Variants in BBOX1 observed in about 807,000 individuals in gnomAD.
BBOX1 encodes the protein gamma-butyrobetaine hydroxylase 1.
In BBOX1, 35 loss-of-function variants were observed where a neutral mutation model predicts 41.6. That is an observed-to-expected ratio of 0.84 (90% CI 0.64 to 1.11). The LOEUF (loss-of-function observed/expected upper bound fraction) is 1.11. Among genes scored for constraint, BBOX1 ranks in the 50% most tolerant of loss-of-function variants. BBOX1 has a pLI of 0.00. For missense variants in BBOX1, 458 were observed against 460.6 expected (o/e 0.99, Z 0.05); for synonymous variants, 163 against 154.7 (o/e 1.05, Z -0.40).
chr11:27,083,683 G>A (rs979707683), intron 4 of BBOX1, among the ~76,000 whole-genome samples: 7 of 152,026 alleles, frequency 4.6e-5, no homozygotes, highest in Non-Finnish European at 1.0e-4. Context: ...CATAGCACTT[G>A]CCAAAATTTT....
chr11:27,062,361 C>T (rs1590175494), intron 4 of BBOX1, among the ~76,000 whole-genome samples: 3 of 152,248 alleles, frequency 2.0e-5, no homozygotes, highest in Admixed American at 2.0e-4. Flanking sequence ...CTCAGATATG[C>T]CATCCCCTTA....
intron 4 of BBOX1, among the ~76,000 whole-genome samples, chr11:27,091,001 G>T (rs1001852845): frequency 6.6e-6 from 1 of 151,958 alleles, no homozygotes; most frequent in South Asian, 2.1e-4. Flanking sequence ...AATTTATACA[G>T]TTAACACAAT....
In BBOX1 at chr11:27,127,720, G is replaced by T; in HGVS notation, c.*267G>T. ...TTTTGCCCATATATGAGTATCTCCA[G>T]AATGTCTACAAATAGTTTTTGTAGC... On this transcript the variant is annotated 3_prime_UTR_variant, in exon 9 of 9. Transcript: ENST00000263182. The T allele has an allele frequency of 2.9e-6, 1 of 339,862 alleles. No homozygotes were observed. Among genetic ancestry groups the T allele is most frequent in the Non-Finnish European group, 5.3e-6 (1 of 189,506 alleles). 21.1% of individuals were successfully genotyped at this position (339,862 alleles called of 1,614,324 possible). A position where few individuals can be genotyped will look rare whatever the true frequency, so the allele number is the denominator to read the frequency against.
At chr11:27,069,291 T>C (rs1857375594) in intron 4 of BBOX1, among the ~76,000 whole-genome samples, 1 of 152,176 alleles carries the variant, frequency 6.6e-6, no homozygotes, top group Non-Finnish European at 1.5e-5. Context: ...GAGAGATCTT[T>C]CATCTCCCTG....
intron 5 of BBOX1, among the ~76,000 whole-genome samples, chr11:27,099,930 C>T (rs925225713): frequency 6.6e-6 from 1 of 152,062 alleles, no homozygotes; most frequent in Non-Finnish European, 1.5e-5. Flanking sequence ...AAAATAAGGT[C>T]AAATAGAAAT....
chr11:27,077,159 A>C (rs1857660082), intron 4 of BBOX1, among the ~76,000 whole-genome samples: 1 of 152,068 alleles, frequency 6.6e-6, no homozygotes, highest in East Asian at 1.9e-4. Flanking sequence ...TCAACCTGTG[A>C]CTGCCACCTG....
intron 2 of BBOX1, among the ~76,000 whole-genome samples, chr11:27,049,138 G>A (rs1021869932): frequency 4.3e-4 from 15 of 34,798 alleles, no homozygotes; most frequent in Non-Finnish European, 7.6e-4. Flanking sequence ...AGTTATTTGG[G>A]GGGGGGGAAC....
chr11:27,051,723 G>T (rs1851675561), intron 2 of BBOX1, among the ~76,000 whole-genome samples: 1 of 151,464 alleles, frequency 6.6e-6, no homozygotes, highest in South Asian at 2.1e-4. Context: ...GTTAGCTAAT[G>T]GTTTGTCAAT....
intron 5 of BBOX1, among the ~76,000 whole-genome samples, chr11:27,094,528 A>G (rs1427947188): frequency 6.6e-6 from 1 of 152,004 alleles, no homozygotes; most frequent in African/African-American, 2.4e-5. Context: ...TAGCAACAAC[A>G]GAGCCTAAAT....
intron 4 of BBOX1, among the ~76,000 whole-genome samples, chr11:27,090,405 G>A (rs1359311798): frequency 2.6e-5 from 4 of 151,816 alleles, no homozygotes; most frequent in African/African-American, 9.7e-5. Flanking sequence ...AAAAGGGTGG[G>A]GGTGTAAGAA....
At chr11:27,101,784 T>C (rs1590212993) in intron 5 of BBOX1, among the ~76,000 whole-genome samples, 1 of 152,278 alleles carries the variant, frequency 6.6e-6, no homozygotes, top group South Asian at 2.1e-4. Flanking sequence ...GACATTTTGA[T>C]TGCCACAATC....
At chr11:27,053,269 A>T (rs547402949) in intron 2 of BBOX1, among the ~76,000 whole-genome samples, 1 of 152,318 alleles carries the variant, frequency 6.6e-6, no homozygotes, top group South Asian at 2.1e-4. Context: ...AGGGAAAGAG[A>T]ACCATTTTTG....
intron 2 of BBOX1, among the ~76,000 whole-genome samples, chr11:27,052,905 G>GA (rs965854311): frequency 2.0e-5 from 3 of 151,854 alleles, no homozygotes; most frequent in Non-Finnish European, 4.4e-5. Flanking sequence ...AAAGGAAGTG[G>GA]AAAAAAATAG....
intron 6 of BBOX1, among the ~76,000 whole-genome samples, chr11:27,118,781 T>C (rs1165917703): frequency 6.6e-6 from 1 of 151,952 alleles, no homozygotes; most frequent in Non-Finnish European, 1.5e-5. Context: ...GTAAATAACA[T>C]TAAAAAATGA....
At chr11:27,087,710 G>A (rs893332063) in intron 4 of BBOX1, among the ~76,000 whole-genome samples, 4 of 151,960 alleles carry the variant, frequency 2.6e-5, no homozygotes, top group South Asian at 2.1e-4. Context: ...TCACAGCAGC[G>A]TCTGTGAAAG....
intron 5 of BBOX1, among the ~76,000 whole-genome samples, chr11:27,094,264 T>C (rs1327653680): frequency 6.6e-6 from 1 of 151,794 alleles, no homozygotes; most frequent in African/African-American, 2.4e-5. Flanking sequence ...GATGTGGGAG[T>C]ATAACTGTAT....
At chr11:27,054,613 T>G (rs186998674) in intron 2 of BBOX1, among the ~76,000 whole-genome samples, 1 of 152,124 alleles carries the variant, frequency 6.6e-6, no homozygotes, top group Non-Finnish European at 1.5e-5. Flanking sequence ...TGGATTTTTT[T>G]AATAAAAGTA....
intron 2 of BBOX1, among the ~76,000 whole-genome samples, chr11:27,050,701 A>G (rs1247604484): frequency 2.0e-5 from 3 of 152,134 alleles, no homozygotes; most frequent in Non-Finnish European, 4.4e-5. Context: ...GCATTCTGCA[A>G]CTTTACTAAA....
intron 5 of BBOX1, among the ~76,000 whole-genome samples, chr11:27,101,611 C>T (rs1858659679): frequency 6.6e-6 from 1 of 152,002 alleles, no homozygotes; most frequent in African/African-American, 2.4e-5. Context: ...AGTTTTCATC[C>T]TTCTATCACT....
Sources: allele counts gnomAD v4.1 joint callset (sites outside exome capture counted in the v4.1 genomes callset), GRCh38; gene constraint gnomAD v4.1.1; transcripts MANE v1.5; gene names NCBI Gene and HGNC (gene_info 2026-07-23, HGNC 2026-07-21).